The following PCDHA2 variants were observed in gnomAD, a reference collection of about 807,000 sequenced individuals.
PCDHA2 encodes the protein protocadherin alpha-2.
PCDHA2 carries 58 observed loss-of-function variants against 66.0 expected under a neutral mutation model. That is an observed-to-expected ratio of 0.88 (90% CI 0.71 to 1.09). PCDHA2 has a LOEUF of 1.09. Ranked by LOEUF, PCDHA2 falls within the 50% of genes least tolerant of loss-of-function variation. PCDHA2 has a pLI of 0.00. For missense variants in PCDHA2, 1,267 were observed against 1,242.3 expected (o/e 1.02, Z -0.30); for synonymous variants, 634 against 554.0 (o/e 1.14, Z -2.03).
chr5:140,970,641 T>C (rs1430565577), intron 1 of PCDHA2, among the ~76,000 whole-genome samples: 1 of 152,170 alleles, frequency 6.6e-6, no homozygotes, highest in African/African-American at 2.4e-5. Context: ...GTACCATAAA[T>C]AGTGATGAAT....
chr5:140,872,444 T>C (rs2053673560), intron 1 of PCDHA2, among the ~76,000 whole-genome samples: 2 of 152,002 alleles, frequency 1.3e-5, no homozygotes, highest in Admixed American at 1.3e-4. Flanking sequence ...CTGGACAACA[T>C]AGCGAGATCC....
At chr5:140,869,986 G>T (rs781968863) in intron 1 of PCDHA2, 4 of 1,613,322 alleles carry the variant, frequency 2.5e-6, no homozygotes, top group Admixed American at 1.7e-5. Context: ...ATTTACACTA[G>T]ATCAAAATAA....
In PCDHA2 at chr5:141,003,093, C is replaced by T. The variant is rs80317990; in HGVS notation, c.2537-6534C>T. 2.0e-4 allele frequency among the ~76,000 whole-genome samples: 30 copies of T among 152,330 alleles called. No individual in the cohort carries two copies. The East Asian group carries it at 5.4e-3, about 27-fold the overall frequency. ...ATGAGGGTGAGTTTAACAGGCCTGG[C>T]ATTTGCTTCACAATCTTCTGGCCCT... On this transcript the variant is annotated intron_variant, in intron 3 of 3. Coordinates refer to ENST00000526136, the MANE Select transcript of PCDHA2 (RefSeq NM_018905.3).
intron 1 of PCDHA2, chr5:140,928,181 C>T (rs782130459): frequency 2.5e-6 from 4 of 1,614,186 alleles, no homozygotes; most frequent in Non-Finnish European, 3.4e-6. Flanking sequence ...ACCCGAAGGA[C>T]AATCACTGTG....
chr5:140,808,971 G>T (rs1441304336), intron 1 of PCDHA2: 2 of 1,613,598 alleles, frequency 1.2e-6, no homozygotes, highest in African/African-American at 1.3e-5. Context: ...GCAAAGGTGC[G>T]CGCGGTGGAT....
chr5:140,941,251 CTTTCTCTT>C (rs1456097006), intron 1 of PCDHA2, among the ~76,000 whole-genome samples: 2 of 121,786 alleles, frequency 1.6e-5, no homozygotes, highest in Non-Finnish European at 3.5e-5. Context: ...TTCTTTCTTT[CTTTCTCTT>C]TCTTTCTTTC....
chr5:140,821,818 C>A (rs2150110857), intron 1 of PCDHA2: 1 of 1,613,972 alleles, frequency 6.2e-7, no homozygotes, highest in Non-Finnish European at 8.5e-7. Context: ...CCGGCTCCTG[C>A]TGCTCTGGCT....
intron 1 of PCDHA2, chr5:140,883,392 C>T (rs1554178015): frequency 1.9e-6 from 3 of 1,614,184 alleles, no homozygotes; most frequent in South Asian, 2.2e-5. Flanking sequence ...ATCAGTGTGT[C>T]CGATCGTGAC....
At chr5:140,963,220 G>A (rs2095749091) in intron 1 of PCDHA2, among the ~76,000 whole-genome samples, 2 of 152,122 alleles carry the variant, frequency 1.3e-5, no homozygotes, top group East Asian at 1.9e-4. Flanking sequence ...CGTGTTTAGA[G>A]TAGACACTGT....
At chr5:140,805,229 G>T (rs989060098) in intron 1 of PCDHA2, 3 of 1,389,698 alleles carry the variant, frequency 2.2e-6, no homozygotes, top group Non-Finnish European at 2.8e-6. Flanking sequence ...CTATTCTGCT[G>T]CATTCCCCAT....
In PCDHA2 at chr5:140,830,646, T is replaced by C. The variant is rs1199441210; in HGVS notation, c.2388+33294T>C. 6.5e-6 allele frequency: 3 copies of C among 458,330 alleles called. No homozygotes were observed. In the Admixed American group the frequency reaches 1.3e-4, roughly 20 times the overall value. The allele number at this position is 458,330 out of a possible 1,614,324, so 28.4% of individuals were successfully genotyped here. On this transcript the variant is annotated intron_variant, in intron 1 of 3. Transcript: ENST00000526136. ...TCTTATTTTAATCTCTTTGCTTCTT[T>C]AATATTCATAATTTAAGTGAAATTA...
chr5:140,798,590 T>C (rs1343552889), intron 1 of PCDHA2, among the ~76,000 whole-genome samples: 1 of 152,190 alleles, frequency 6.6e-6, no homozygotes, highest in Non-Finnish European at 1.5e-5. Flanking sequence ...ACTACTTTTT[T>C]CTGGCATCTA....
intron 1 of PCDHA2, among the ~76,000 whole-genome samples, chr5:140,977,515 C>T (rs2096764078): frequency 6.6e-6 from 1 of 152,158 alleles, no homozygotes; most frequent in African/African-American, 2.4e-5. Context: ...ATTTTGTGAA[C>T]TTGAAAACAA....
intron 1 of PCDHA2, among the ~76,000 whole-genome samples, chr5:140,895,293 G>A (rs759197253): frequency 5.9e-5 from 9 of 151,430 alleles, no homozygotes; most frequent in African/African-American, 9.7e-5. Flanking sequence ...TAGGACCTTC[G>A]ATTTCCCCCC....
chr5:140,862,968 G>A (rs1554157319), intron 1 of PCDHA2: 1 of 544,810 alleles, frequency 1.8e-6, no homozygotes, highest in Non-Finnish European at 3.6e-6. Flanking sequence ...GTGGATGCAG[G>A]CCACTTGGTG....
Position 140,843,176 on chromosome 5 carries a change from C to A in PCDHA2, c.2388+45824C>A, listed in dbSNP as rs145175505. 1.9e-6 allele frequency: 3 copies of A among 1,596,084 alleles called. 1 individual carries two copies. The highest frequency in any genetic ancestry group is 2.6e-6 in the Non-Finnish European group (3 of 1,165,610). On this transcript the variant is annotated intron_variant, in intron 1 of 3. Transcript: ENST00000526136. ...GCTGCAGCCAGCTGCAAGCAGCCCT[C>A]GCATCCCGTTCCGCGTGGGGCTGTA...
intron 1 of PCDHA2, chr5:140,871,259 C>A (rs1554165338): frequency 3.1e-6 from 5 of 1,613,958 alleles, no homozygotes; most frequent in Non-Finnish European, 4.2e-6. Context: ...CTGTATACGG[C>A]GCTGTGGTGG....
At chr5:140,822,314 A>G (rs2150115464) in intron 1 of PCDHA2, 12 of 1,614,202 alleles carry the variant, frequency 7.4e-6, no homozygotes, top group South Asian at 2.2e-5. Context: ...TTTGACTTAG[A>G]TGTTAAAACA....
At chr5:140,878,575 C>T (rs1339417321) in intron 1 of PCDHA2, among the ~76,000 whole-genome samples, 1 of 152,222 alleles carries the variant, frequency 6.6e-6, no homozygotes, top group African/African-American at 2.4e-5. Context: ...TAGTATACCA[C>T]TGCCCTGTGC....
Sources: allele counts gnomAD v4.1 joint callset (sites outside exome capture counted in the v4.1 genomes callset), GRCh38; gene constraint gnomAD v4.1.1; transcripts MANE v1.5; gene names NCBI Gene and HGNC (gene_info 2026-07-23, HGNC 2026-07-21).